Variants in LHPP observed in about 807,000 individuals in gnomAD.
LHPP encodes the protein phospholysine phosphohistidine inorganic pyrophosphate phosphatase.
LHPP carries 24 observed loss-of-function variants against 30.3 expected under a neutral mutation model. That is an observed-to-expected ratio of 0.79 (90% CI 0.57 to 1.11). LHPP has a LOEUF of 1.11. Ranked by LOEUF, LHPP falls within the 50% of genes most tolerant of loss-of-function variation. The pLI, the probability that LHPP is intolerant of heterozygous loss-of-function variation, is 0.00. For missense variants in LHPP, 356 were observed against 367.2 expected (o/e 0.97, Z 0.25); for synonymous variants, 150 against 157.1 (o/e 0.95, Z 0.34).
At chr10:124,490,251 C>T (rs1048986689) in intron 3 of LHPP, 5 of 183,486 alleles carry the variant, frequency 2.7e-5, no homozygotes, top group African/African-American at 4.8e-5. Flanking sequence ...AGGTCGGTCA[C>T]GCTCCAGACC....
intron 5 of LHPP, among the ~76,000 whole-genome samples, chr10:124,508,228 C>T (rs867876141): frequency 3.3e-5 from 5 of 152,096 alleles, no homozygotes; most frequent in African/African-American, 1.2e-4. Context: ...GGCCTCCCCA[C>T]GAACTCTGTT....
rs146819426 is a variant in LHPP, at chr10:124,496,643, G to A, written c.468-318G>A. On this transcript the variant is annotated intron_variant, in intron 3 of 6. Transcript: ENST00000368842. This position sits in a 1 kb window ranked among gnomAD's most constrained non-coding sequence, Gnocchi z 4.3. ...ATTCTCTGTGTTAGCAACTGAAACC[G>A]TCTGCCTTCTGGGTCCCCTGTTAAT... Among the ~76,000 whole-genome samples the A allele has an allele frequency of 4.5e-4, 69 of 152,310 alleles. No homozygotes were observed. Among genetic ancestry groups the A allele is most frequent in the African/African-American group, 1.4e-3 (57 of 41,568 alleles).
At chr10:124,475,030 C>CTTTTTTTTTTTTTTTTTTTTTTTT in intron 1 of LHPP, among the ~76,000 whole-genome samples, 1 of 98,660 alleles carries the variant, frequency 1.0e-5, no homozygotes, top group Non-Finnish European at 1.9e-5. Context: ...CTTCTCATGT[C>CTTTTTTTTTTTTTTTTTTTTTTTT]TTTTTTTTTT....
intron 6 of LHPP, among the ~76,000 whole-genome samples, chr10:124,566,648 C>T (rs1052832553): frequency 5.3e-5 from 8 of 152,208 alleles, no homozygotes; most frequent in Admixed American, 2.6e-4. Flanking sequence ...TACCAGCACA[C>T]GTCTGCCTTT....
chr10:124,499,162 G>A (rs968136081), intron 5 of LHPP, among the ~76,000 whole-genome samples: 2 of 151,818 alleles, frequency 1.3e-5, no homozygotes, highest in South Asian at 4.2e-4. Flanking sequence ...TTACAGGTGT[G>A]AGCCACCATG....
intron 5 of LHPP, among the ~76,000 whole-genome samples, chr10:124,500,735 A>C (rs1953874991): frequency 6.6e-6 from 1 of 151,920 alleles, no homozygotes; most frequent in Admixed American, 6.5e-5. Context: ...AGTTAAAAAA[A>C]AAAATAGAAA....
chr10:124,576,441 C>A lies in LHPP; in HGVS notation c.717-36823C>A, dbSNP rs539666014. Reference sequence around the variant, plus strand: ...CTCCTTTCCATGAGCTGCTCCCAGACCCCCTCATATCCATCCTGCCTCCAG... The same window carrying A: ...CTCCTTTCCATGAGCTGCTCCCAGAACCCCTCATATCCATCCTGCCTCCAG... On this transcript the variant is annotated intron_variant, in intron 6 of 6. Transcript: ENST00000368842. The surrounding 1 kb of genome is among the most constrained non-coding windows in gnomAD (Gnocchi z 4.2). 6.6e-6 allele frequency among the ~76,000 whole-genome samples: 1 copy of A among 150,678 alleles called. No homozygotes were observed. The highest frequency in any genetic ancestry group is 2.1e-4 in the South Asian group (1 of 4,742).
chr10:124,555,139 G>A (rs915288361), intron 6 of LHPP, among the ~76,000 whole-genome samples: 6 of 152,164 alleles, frequency 3.9e-5, no homozygotes, highest in Non-Finnish European at 7.4e-5. Context: ...TCTGCCTCCC[G>A]AGTGGAGGCC....
At chr10:124,534,166 T>G (rs4143052) in intron 6 of LHPP, among the ~76,000 whole-genome samples, 100,326 of 152,110 alleles carry the variant, frequency 0.66, 33,397 homozygotes, top group South Asian at 0.79. Context: ...GGAGAGTCTC[T>G]CTGCATGGGC....
In LHPP at chr10:124,590,963, T is replaced by A. The variant is rs535109455; in HGVS notation, c.717-22301T>A. On this transcript the variant is annotated intron_variant, in intron 6 of 6. Coordinates refer to ENST00000368842, the MANE Select transcript of LHPP (RefSeq NM_022126.4). This position sits in a 1 kb window ranked among gnomAD's most constrained non-coding sequence, Gnocchi z 4.3. The stretch of plus-strand genomic sequence containing the variant: ...TCTCAGACAGAAGCAGTCTCGCCCA[T>A]CCTGGGGCCTGAGAGCATCATTCCT... Among the ~76,000 whole-genome samples, 1 of 152,336 alleles carries A rather than the reference T, an allele frequency of 6.6e-6. No homozygotes were observed. The highest frequency in any genetic ancestry group is 1.9e-4 in the East Asian group (1 of 5,184).
rs139330528 is a variant in LHPP, at chr10:124,474,903, C to T, written c.126-9236C>T. ...TCCTGCTGGCCTCCTTCCCAGGGCA[C>T]CTGGCTTCCTCTCAGAATGTACCTG... On this transcript the variant is annotated intron_variant, in intron 1 of 6. Coordinates refer to ENST00000368842, the MANE Select transcript of LHPP (RefSeq NM_022126.4). Among the ~76,000 whole-genome samples, 714 of 152,290 alleles carry T rather than the reference C, an allele frequency of 4.7e-3. 6 individuals carry two copies. The highest frequency in any genetic ancestry group is 0.017 in the African/African-American group (692 of 41,544).
intron 1 of LHPP, among the ~76,000 whole-genome samples, chr10:124,483,763 TAAAG>T (rs1437906431): frequency 4.6e-5 from 6 of 131,572 alleles, no homozygotes; most frequent in African/African-American, 1.2e-4. Context: ...ATCTCAAAAA[TAAAG>T]AAATAAAAAA....
chr10:124,536,435 G>A (rs758289629), intron 6 of LHPP, among the ~76,000 whole-genome samples: 18 of 152,228 alleles, frequency 1.2e-4, no homozygotes, highest in Non-Finnish European at 2.5e-4. Context: ...GAAGCTCCCC[G>A]GCTGGGCCAT....
intron 1 of LHPP, among the ~76,000 whole-genome samples, chr10:124,468,840 C>A (rs1952638613): frequency 6.6e-6 from 1 of 152,330 alleles, no homozygotes; most frequent in Admixed American, 6.5e-5. Context: ...CTCCGTACAC[C>A]CTCCCTCGCA....
At position 124,480,051 on chromosome 10, in the gene LHPP, G is replaced by A. The variant is rs79803105; in HGVS notation, c.126-4088G>A. Among the ~76,000 whole-genome samples, 228 of 152,246 alleles carry A rather than the reference G, an allele frequency of 1.5e-3. 1 individual carries two copies. Among genetic ancestry groups the A allele is most frequent in the African/African-American group, 5.0e-3 (206 of 41,538 alleles). On this transcript the variant is annotated intron_variant, in intron 1 of 6. Transcript: ENST00000368842. Reference sequence around the variant, plus strand: ...ATCATGGATCCTGAGTGACACCACCGTCCTTACCCAGATGCAAGGCTCAGT... The same window carrying A: ...ATCATGGATCCTGAGTGACACCACCATCCTTACCCAGATGCAAGGCTCAGT...
At chr10:124,574,197 G>T (rs560498783) in intron 6 of LHPP, among the ~76,000 whole-genome samples, 4 of 152,226 alleles carry the variant, frequency 2.6e-5, no homozygotes, top group Non-Finnish European at 4.4e-5. Context: ...TTGCTGCCGC[G>T]CAGAACAGTA....
At chr10:124,560,360 A>T (rs796304376) in intron 6 of LHPP, among the ~76,000 whole-genome samples, 5 of 152,286 alleles carry the variant, frequency 3.3e-5, no homozygotes, top group African/African-American at 9.6e-5. Context: ...GGACTTCTTA[A>T]ACATAATTGA....
chr10:124,485,165 A>AG (rs1434466400), intron 2 of LHPP, among the ~76,000 whole-genome samples: 1 of 152,100 alleles, frequency 6.6e-6, no homozygotes, highest in Non-Finnish European at 1.5e-5. Flanking sequence ...GTGCCAGTTA[A>AG]GGGTGACAGG....
intron 6 of LHPP, among the ~76,000 whole-genome samples, chr10:124,583,602 A>T (rs1948768187): frequency 6.6e-6 from 1 of 152,212 alleles, no homozygotes; most frequent in African/African-American, 2.4e-5. Context: ...GCTTCCAATC[A>T]CAGTGGAAGG....
Sources: allele counts gnomAD v4.1 joint callset (sites outside exome capture counted in the v4.1 genomes callset), GRCh38; gene constraint gnomAD v4.1.1; non-coding constraint Gnocchi (gnomAD v3.1); transcripts MANE v1.5; gene names NCBI Gene and HGNC (gene_info 2026-07-23, HGNC 2026-07-21).